GJB6: variants seen among roughly 807,000 people sequenced by gnomAD.
GJB6 encodes gap junction protein beta 6, also known as gap junction beta-6 protein.
Under a neutral mutation model 5.4 loss-of-function variants are expected in GJB6, and 5 were observed. The observed-to-expected ratio is 0.92, with a 90% CI of 0.48 to 1.93. The LOEUF is 1.93. Among genes scored for constraint, GJB6 ranks in the 30% most tolerant of loss-of-function variants. The pLI, the probability that GJB6 is intolerant of heterozygous loss-of-function variation, is 0.01. For missense variants in GJB6, 298 were observed against 326.9 expected, an observed-to-expected ratio of 0.91 and a Z score of 0.68; for synonymous variants, 136 against 129.6, an observed-to-expected ratio of 1.05 and a Z score of -0.34.
intron 4 of GJB6, among the ~76,000 whole-genome samples, chr13:20,228,610 G>C (rs1284970494): frequency 2.8e-5 from 4 of 144,602 alleles, no homozygotes; most frequent in South Asian, 4.3e-4. Flanking sequence ...CAGCCTCTCT[G>C]AGCAGCTGGG....
intron 4 of GJB6, among the ~76,000 whole-genome samples, chr13:20,223,982 T>A (rs1446227570): frequency 6.6e-6 from 1 of 151,298 alleles, no homozygotes; most frequent in Admixed American, 6.6e-5. Context: ...AAAAAAAAAA[T>A]TATCATGTTT....
At chr13:20,226,603 C>T (rs1018564524) in intron 4 of GJB6, among the ~76,000 whole-genome samples, 1 of 152,132 alleles carries the variant, frequency 6.6e-6, no homozygotes, top group Admixed American at 6.6e-5. Flanking sequence ...AATACATTTT[C>T]CTAACTGTTG....
chr13:20,227,822 A>G (rs1869701038), intron 4 of GJB6, among the ~76,000 whole-genome samples: 1 of 152,160 alleles, frequency 6.6e-6, no homozygotes, highest in Non-Finnish European at 1.5e-5. Context: ...TGGCTGCCCC[A>G]GGAGACGCTC....
At chr13:20,224,979 T>C (rs1593365036) in intron 4 of GJB6, among the ~76,000 whole-genome samples, 1 of 152,170 alleles carries the variant, frequency 6.6e-6, no homozygotes, top group Non-Finnish European at 1.5e-5. Flanking sequence ...TTGGAAGCAG[T>C]GGGGTAAATG....
chr13:20,223,629 G>A, intron 4 of GJB6, 134 bp from the exon 5 acceptor site: 2 of 751,978 alleles, frequency 2.7e-6, no homozygotes, highest in South Asian at 1.5e-5. Flanking sequence ...TCCCTGCCCT[G>A]CTAGTCTGAG....
rs992236233 is a variant in GJB6, at chr13:20,223,457, A to C, written c.24T>G (p.Thr8=). MDWGTLH[T]FIGGVNKHST... is the part of the protein sequence containing the mutation. ...AGTGTTTGTTGACACCCCCGATGAA[A>C]GTGTGCAGCGTCCCCCAATCCATTG... The change falls in exon 5 of 5, where the codon ACT becomes ACG. Residue 8 remains threonine (T), a synonymous_variant. Coordinates refer to ENST00000647029, the MANE Select transcript of GJB6 (RefSeq NM_001110219.3). 6.2e-7 allele frequency: 1 copy of C among 1,613,980 alleles called. No individual in the cohort carries two copies.
intron 3 of GJB6, 121 bp downstream of exon 3, chr13:20,230,577 T>C (rs1029086167): frequency 6.6e-6 from 1 of 152,206 alleles, no homozygotes; most frequent in African/African-American, 2.4e-5. Context: ...TCATAACCTA[T>C]GGCAGGTGGC....
Position 20,229,315 on chromosome 13 carries a change from ATTTTTTT to A in GJB6, c.-16+258_-16+264del, listed in dbSNP as rs60451416. ...AGGCATATGCCACCATACCTGGTTA[ATTTTTTT>A]TTTTTTTTTTTTTTTTTTTTTTTTA... On this transcript the variant is annotated intron_variant, in intron 4 of 4. Coordinates refer to ENST00000647029, the MANE Select transcript of GJB6 (RefSeq NM_001110219.3). Among the ~76,000 whole-genome samples, 9 of 55,294 alleles carry A rather than the reference ATTTTTTT, an allele frequency of 1.6e-4. No individual in the cohort carries two copies. In the East Asian group the frequency reaches 2.3e-3, roughly 14 times the overall value. 36.3% of individuals were successfully genotyped at this position (55,294 alleles called of 152,430 possible).
intron 4 of GJB6, among the ~76,000 whole-genome samples, chr13:20,228,949 T>G (rs573328525): frequency 6.6e-6 from 1 of 152,110 alleles, no homozygotes; most frequent in South Asian, 2.1e-4. Context: ...ACTGCACTAA[T>G]GAAATTTCTT....
At position 20,229,444 on chromosome 13, in the gene GJB6, C is replaced by T. The variant is rs35566348; in HGVS notation, c.-16+136G>A. ...TGTTGGGATTACAGGCATGAGCCAT[C>T]GCGCCTGGCCATCTAGGGAGTAGTT... On this transcript the variant is annotated intron_variant, in intron 4 of 4. Coordinates refer to ENST00000647029, the MANE Select transcript of GJB6 (RefSeq NM_001110219.3). The T allele has an allele frequency of 0.1, 15,035 of 150,702 alleles. 855 individuals carry two copies. Among genetic ancestry groups the T allele is most frequent in the Middle Eastern group, 0.17 (49 of 292 alleles). The allele number at this position is 150,702 out of a possible 1,614,324, so 9.3% of individuals were successfully genotyped here.
At chr13:20,228,588 G>A (rs7337092) in intron 4 of GJB6, among the ~76,000 whole-genome samples, 75,493 of 149,768 alleles carry the variant, frequency 0.5, 19,932 homozygotes, top group African/African-American at 0.66. Flanking sequence ...GGTTCACGCC[G>A]TTCTCCCGCC....
At chr13:20,227,348 A>G (rs1038172302) in intron 4 of GJB6, among the ~76,000 whole-genome samples, 2 of 152,180 alleles carry the variant, frequency 1.3e-5, no homozygotes, top group Non-Finnish European at 2.9e-5. Flanking sequence ...AGTAAAGGAG[A>G]TGCCGAGCTT....
chr13:20,228,478 T>TTTG (rs1405275698), intron 4 of GJB6, among the ~76,000 whole-genome samples: 1 of 131,332 alleles, frequency 7.6e-6, no homozygotes, highest in Non-Finnish European at 1.6e-5. Flanking sequence ...TTTTTGTTTT[T>TTTG]TGTTTTTGTT....
intron 4 of GJB6, among the ~76,000 whole-genome samples, chr13:20,228,253 G>A (rs1869732417): frequency 6.6e-6 from 1 of 152,174 alleles, no homozygotes; most frequent in Non-Finnish European, 1.5e-5. Context: ...AATACAAAGT[G>A]AAATATTAAC....
rs142512804 is a variant in GJB6 at position 20,223,189 on chromosome 13, A to G, written c.292T>C (p.Tyr98His). The G allele has an allele frequency of 1.2e-5, 19 of 1,612,144 alleles. No homozygotes were observed. The Middle Eastern group carries it at 6.6e-4, about 56-fold the overall frequency. Residue 98 changes from tyrosine (Y) to histidine (H), a missense_variant, in exon 5 of 5, where the codon TAC becomes CAC. Transcript: ENST00000647029. ...ALLVAMHVAY[Y>H]RHETTRKFRR... is the part of the protein sequence containing the mutation. Reference sequence around the variant, plus strand: ...AACTTGCGAGTGGTTTCGTGCCTGTAGTAGGCCACATGCATGGCCACCAGC... The same window carrying G: ...AACTTGCGAGTGGTTTCGTGCCTGTGGTAGGCCACATGCATGGCCACCAGC...
At chr13:20,226,263 G>T (rs1031028708) in intron 4 of GJB6, among the ~76,000 whole-genome samples, 20 of 149,266 alleles carry the variant, frequency 1.3e-4, no homozygotes, top group Middle Eastern at 6.9e-3. Flanking sequence ...CTGACACTCA[G>T]CATTAACAGA....
At position 20,222,274 on chromosome 13, in the gene GJB6, C is replaced by T. The variant is rs889889411; in HGVS notation, c.*421G>A. Reference sequence around the variant, plus strand: ...CGCATGTTTTTCCAGGTAAGGAAGACCAGTCATTATAAAAATACTTTATAT... The same window carrying T: ...CGCATGTTTTTCCAGGTAAGGAAGATCAGTCATTATAAAAATACTTTATAT... On this transcript the variant is annotated 3_prime_UTR_variant, in exon 5 of 5. Coordinates refer to ENST00000647029, the MANE Select transcript of GJB6 (RefSeq NM_001110219.3). The T allele has an allele frequency of 1.7e-5, 3 of 171,542 alleles. No homozygotes were observed. Among genetic ancestry groups the T allele is most frequent in the Non-Finnish European group, 2.5e-5 (2 of 79,290 alleles). The allele number at this position is 171,542 out of a possible 1,614,324, so 10.6% of individuals were successfully genotyped here.
rs1443434784 is a variant in GJB6 at position 20,229,119 on chromosome 13, T to G, written c.-16+461A>C. ...AGCTCTGTTCCCCTTTCAATGTCAT[T>G]TAGCAAAAAAAAAAAAAAAAAAAAA... On this transcript the variant is annotated intron_variant, in intron 4 of 4. Coordinates refer to ENST00000647029, the MANE Select transcript of GJB6 (RefSeq NM_001110219.3). 2.7e-5 allele frequency among the ~76,000 whole-genome samples: 3 copies of G among 111,040 alleles called. No homozygotes were observed. In the East Asian group the frequency reaches 7.7e-4, roughly 29 times the overall value. The allele number at this position is 111,040 out of a possible 152,430, so 72.8% of individuals were successfully genotyped here.
intron 4 of GJB6, among the ~76,000 whole-genome samples, chr13:20,228,730 C>T (rs1485555259): frequency 2.0e-4 from 31 of 151,638 alleles, no homozygotes; most frequent in Non-Finnish European, 1.5e-4. Context: ...ATGATCCGCC[C>T]CCCTTGGCCT....
Sources: gnomAD v4.1 joint callset for allele counts (sites outside exome capture counted in the v4.1 genomes callset) on GRCh38, gnomAD v4.1.1 for gene constraint, MANE v1.5 for transcripts, NCBI Gene and HGNC (gene_info 2026-07-23, HGNC 2026-07-21) for gene names.